The following SRPX variants were observed in gnomAD, a reference collection of about 807,000 sequenced individuals.
The protein encoded by SRPX is sushi repeat-containing protein SRPX.
A neutral mutation model predicts 38.1 loss-of-function variants in SRPX; 24 were observed. That is an observed-to-expected ratio of 0.63 (90% CI 0.46 to 0.89). SRPX has a LOEUF of 0.89. Among genes scored for constraint, SRPX ranks in the 40% least tolerant of loss-of-function variants. SRPX has a pLI of 0.00. For synonymous variants in SRPX, 184 were observed against 153.8 expected (o/e 1.20, Z -1.45); for missense variants, 416 against 377.8 (o/e 1.10, Z -0.84).
At chrX:38,153,218 C>T in intron 9 of SRPX, among the ~76,000 whole-genome samples, 1 of 109,459 alleles carries the variant, frequency 9.1e-6, no homozygotes, top group East Asian at 2.9e-4. Context: ...CTTCTCCATT[C>T]ATCAGCCGAC....
chrX:38,160,590 T>A (rs2073310), intron 6 of SRPX, among the ~76,000 whole-genome samples: 1 of 111,832 alleles, frequency 8.9e-6, no homozygotes, highest in African/African-American at 3.3e-5. Flanking sequence ...GGGCTCCTAT[T>A]CACCCTGGTT....
intron 2 of SRPX, among the ~76,000 whole-genome samples, chrX:38,175,348 C>CA (rs1350754982): frequency 9.0e-6 from 1 of 111,559 alleles, no homozygotes; most frequent in Non-Finnish European, 1.9e-5. Context: ...AGACCGCCAT[C>CA]ATGTGGCCAG....
intron 8 of SRPX, among the ~76,000 whole-genome samples, chrX:38,154,839 T>C (rs1196657151): frequency 3.6e-5 from 4 of 111,772 alleles, no homozygotes; most frequent in Non-Finnish European, 7.5e-5. Flanking sequence ...AGTCTATGTA[T>C]TTCCAGACAG....
At chrX:38,202,122 A>G (rs1376412301) in intron 1 of SRPX, among the ~76,000 whole-genome samples, 1 of 112,504 alleles carries the variant, frequency 8.9e-6, no homozygotes, top group African/African-American at 3.2e-5. Flanking sequence ...CAGCAATTGT[A>G]TAGCAAACTC....
At chrX:38,205,225 A>G (rs1006832209) in intron 1 of SRPX, among the ~76,000 whole-genome samples, 2 of 112,167 alleles carry the variant, frequency 1.8e-5, no homozygotes, top group African/African-American at 6.5e-5. Flanking sequence ...TTACATTTGC[A>G]CTGTATATTA....
At chrX:38,199,812 TG>T (rs2147118572) in intron 1 of SRPX, among the ~76,000 whole-genome samples, 1 of 111,145 alleles carries the variant, frequency 9.0e-6, no homozygotes, top group Non-Finnish European at 1.9e-5. Flanking sequence ...GAAAGCAGAA[TG>T]GCTTTTAGAC....
intron 1 of SRPX, among the ~76,000 whole-genome samples, chrX:38,213,626 A>C (rs987732691): frequency 1.8e-5 from 2 of 111,908 alleles, no homozygotes; most frequent in African/African-American, 6.5e-5. Context: ...GTATTCGTCC[A>C]TTTTTGCACT....
At chrX:38,166,222 T>C (rs750506443) in intron 4 of SRPX, among the ~76,000 whole-genome samples, 1 of 112,535 alleles carries the variant, frequency 8.9e-6, no homozygotes, top group Non-Finnish European at 1.9e-5. Flanking sequence ...AAATTCTTTA[T>C]ATACTTTCTC....
At chrX:38,155,529 A>G (rs1159128067) in intron 8 of SRPX, among the ~76,000 whole-genome samples, 1 of 112,221 alleles carries the variant, frequency 8.9e-6, no homozygotes, top group African/African-American at 3.2e-5. Flanking sequence ...CAGGCTTGGC[A>G]AGGTTGGATT....
chrX:38,219,726 T>A (rs768727198), intron 1 of SRPX, among the ~76,000 whole-genome samples: 1 of 111,829 alleles, frequency 8.9e-6, no homozygotes, highest in African/African-American at 3.3e-5. Flanking sequence ...ACCCTAGATT[T>A]AAGCTGCCCA....
intron 1 of SRPX, among the ~76,000 whole-genome samples, chrX:38,200,211 T>C (rs5918496): frequency 0.39 from 42,983 of 111,102 alleles, 6,347 homozygotes; most frequent in East Asian, 0.69. Flanking sequence ...CCATATAATT[T>C]CTCACAATTC....
At chrX:38,211,249 G>T (rs900503703) in intron 1 of SRPX, among the ~76,000 whole-genome samples, 1 of 111,742 alleles carries the variant, frequency 8.9e-6, no homozygotes, top group African/African-American at 3.3e-5. Context: ...ATAAAAACTG[G>T]CAGTGAGCCA....
chrX:38,162,958 G>GT (rs1427211123), intron 5 of SRPX, among the ~76,000 whole-genome samples: 1 of 112,888 alleles, frequency 8.9e-6, no homozygotes, highest in Non-Finnish European at 1.9e-5. Flanking sequence ...TATCACACAG[G>GT]TTTTTTCAAC....
chrX:38,192,491 G>A (rs917384659), intron 1 of SRPX, among the ~76,000 whole-genome samples: 6 of 111,750 alleles, frequency 5.4e-5, no homozygotes, highest in African/African-American at 2.0e-4. Context: ...TTTCAGTCTC[G>A]AGCTGCTGAC....
At chrX:38,169,306 A>C (rs1938422865) in intron 4 of SRPX, among the ~76,000 whole-genome samples, 1 of 111,960 alleles carries the variant, frequency 8.9e-6, no homozygotes, top group African/African-American at 3.2e-5. Context: ...GCATCAACTG[A>C]ATAATGCAAT....
chrX:38,166,492 G>A (rs190409548), intron 4 of SRPX, among the ~76,000 whole-genome samples: 3 of 111,825 alleles, frequency 2.7e-5, no homozygotes, highest in Non-Finnish European at 5.6e-5. Context: ...TCTCAGAATT[G>A]ATAAAATAAA....
intron 5 of SRPX, among the ~76,000 whole-genome samples, chrX:38,161,388 G>C (rs1938258109): frequency 1.8e-5 from 2 of 108,411 alleles, no homozygotes; most frequent in African/African-American, 3.4e-5. Flanking sequence ...CTTGTTCCAG[G>C]GGGGACCTGA....
intron 1 of SRPX, among the ~76,000 whole-genome samples, chrX:38,193,422 G>C (rs1047509685): frequency 3.6e-5 from 4 of 111,791 alleles, no homozygotes; most frequent in East Asian, 5.6e-4. Context: ...GGCTGCATTA[G>C]GGAAGTTAAG....
chrX:38,153,720 G>A (rs1184684120), intron 9 of SRPX, among the ~76,000 whole-genome samples: 2 of 111,443 alleles, frequency 1.8e-5, no homozygotes, highest in Non-Finnish European at 3.8e-5. Flanking sequence ...CCCCACTTTT[G>A]CAGAAGCCTG....
Sources: allele counts gnomAD v4.1 joint callset (sites outside exome capture counted in the v4.1 genomes callset), GRCh38; gene constraint gnomAD v4.1.1; transcripts MANE v1.5; gene names NCBI Gene and HGNC (gene_info 2026-07-23, HGNC 2026-07-21).